Variants in ERC1 observed in about 807,000 individuals in gnomAD.
The protein encoded by ERC1 is ELKS/RAB6-interacting/CAST family member 1.
A neutral mutation model predicts 132.0 loss-of-function variants in ERC1; 56 were observed. That is an observed-to-expected ratio of 0.42 (90% CI 0.34 to 0.53). ERC1 has a LOEUF of 0.53. ERC1 is among the 20% of genes least tolerant of loss of function. The pLI, the probability that ERC1 is intolerant of heterozygous loss-of-function variation, is 0.03. For missense variants in ERC1, 1,202 were observed against 1,349.9 expected, an observed-to-expected ratio of 0.89 and a Z score of 1.72; for synonymous variants, 478 against 476.1, an observed-to-expected ratio of 1.00 and a Z score of -0.05.
chr12:1,048,672 C>A (rs546334549), intron 2 of ERC1, among the ~76,000 whole-genome samples: 1 of 152,090 alleles, frequency 6.6e-6, no homozygotes, highest in Non-Finnish European at 1.5e-5. Flanking sequence ...ATGCTTTTCC[C>A]TTAATGTTGT....
chr12:1,416,850 C>G (rs905458465), intron 17 of ERC1, among the ~76,000 whole-genome samples: 1 of 152,108 alleles, frequency 6.6e-6, no homozygotes, highest in Admixed American at 6.5e-5. Flanking sequence ...TTTTACATAT[C>G]AGTAGTTGCT....
intron 15 of ERC1, among the ~76,000 whole-genome samples, chr12:1,334,459 A>G (rs771981012): frequency 6.6e-6 from 1 of 152,236 alleles, no homozygotes; most frequent in Non-Finnish European, 1.5e-5. Context: ...ATGGCTAGCC[A>G]GTTACCACAG....
chr12:1,258,943 C>G (rs1025147770), intron 13 of ERC1, among the ~76,000 whole-genome samples: 10 of 152,144 alleles, frequency 6.6e-5, no homozygotes, highest in Admixed American at 5.2e-4. Context: ...TTTCTCTTTT[C>G]ACAGTAAACA....
At chr12:1,418,631 CTTTCTTTCTT>C (rs776462904) in intron 17 of ERC1, among the ~76,000 whole-genome samples, 4,268 of 114,068 alleles carry the variant, frequency 0.037, 272 homozygotes, top group African/African-American at 0.16. Flanking sequence ...TTCTTTCTTT[CTTTCTTTCTT>C]TCTCTCTCTC....
At chr12:1,419,890 A>G (rs930362680) in intron 17 of ERC1, among the ~76,000 whole-genome samples, 4 of 152,052 alleles carry the variant, frequency 2.6e-5, no homozygotes, top group African/African-American at 9.7e-5. Context: ...AGATACATTC[A>G]AAACATGCAC....
At chr12:1,139,688 A>T (rs1377888759) in intron 7 of ERC1, among the ~76,000 whole-genome samples, 1 of 150,536 alleles carries the variant, frequency 6.6e-6, no homozygotes, top group Non-Finnish European at 1.5e-5. Flanking sequence ...ATAAAGTAGT[A>T]AAGTAAAACA....
chr12:1,394,828 G>A (rs12317217), intron 16 of ERC1, among the ~76,000 whole-genome samples: 44,701 of 152,046 alleles, frequency 0.29, 6,793 homozygotes, highest in Middle Eastern at 0.35. Context: ...ACCCAGTCTC[G>A]GGTAGTTCTT....
intron 8 of ERC1, among the ~76,000 whole-genome samples, chr12:1,170,820 A>G (rs1487294345): frequency 1.3e-5 from 2 of 152,184 alleles, no homozygotes; most frequent in Non-Finnish European, 1.5e-5. Flanking sequence ...AATAAAATCT[A>G]CCTGGAGCAG....
At chr12:1,156,264 A>T (rs1458860225) in intron 8 of ERC1, among the ~76,000 whole-genome samples, 1 of 151,938 alleles carries the variant, frequency 6.6e-6, no homozygotes, top group Non-Finnish European at 1.5e-5. Context: ...TTTGAGACAG[A>T]GTCTCACTCT....
chr12:1,301,987 ATACT>A (rs1417997410), intron 15 of ERC1, among the ~76,000 whole-genome samples: 1 of 152,238 alleles, frequency 6.6e-6, no homozygotes, highest in Non-Finnish European at 1.5e-5. Context: ...TATTATAGAA[ATACT>A]TACCAAGTCA....
rs1302703650 is a variant in ERC1, at chr12:1,494,195, T to C, written c.*3965T>C. ...TTTAACATCTGCTCCTGGCCTCCTCTTCACCTGCCTGGGTTCGGAACTGAG... is the reference window on the plus strand; with the variant it reads ...TTTAACATCTGCTCCTGGCCTCCTCCTCACCTGCCTGGGTTCGGAACTGAG... On this transcript the variant is annotated 3_prime_UTR_variant, in exon 19 of 19. Coordinates refer to ENST00000360905, the MANE Select transcript of ERC1 (RefSeq NM_178040.4). 1.3e-5 allele frequency: 3 copies of C among 232,226 alleles called. No individual in the cohort carries two copies. The highest frequency in any genetic ancestry group is 2.6e-5 in the Non-Finnish European group (3 of 117,484). 14.4% of individuals were successfully genotyped at this position (232,226 alleles called of 1,614,324 possible).
chr12:1,056,941 C>G (rs1328282632), intron 2 of ERC1, among the ~76,000 whole-genome samples: 3 of 152,092 alleles, frequency 2.0e-5, no homozygotes, highest in Non-Finnish European at 4.4e-5. Flanking sequence ...TAATTTCTTT[C>G]TACCTCCTGT....
chr12:1,028,281 A>G lies in ERC1; in HGVS notation c.378A>G (p.Gly126=), dbSNP rs1485845179. The G allele has an allele frequency of 1.9e-6, 3 of 1,614,044 alleles. No individual in the cohort carries two copies. Among genetic ancestry groups the G allele is most frequent in the Admixed American group, 1.7e-5 (1 of 60,000 alleles). The change falls in exon 2 of 19, where the codon GGA becomes GGG. Residue 126 remains glycine, a synonymous_variant. Coordinates refer to ENST00000360905, the MANE Select transcript of ERC1 (RefSeq NM_178040.4). The part of the protein sequence containing the change: ...SGVASDTIAF[G]EHHLPPVSMA... The stretch of plus-strand genomic sequence containing the variant: ...TTGCTAGTGACACCATAGCATTTGG[A>G]GAGCATCACCTCCCTCCTGTGAGTA...
intron 13 of ERC1, among the ~76,000 whole-genome samples, chr12:1,240,741 A>G: frequency 6.6e-6 from 1 of 152,260 alleles, no homozygotes; most frequent in African/African-American, 2.4e-5. Context: ...AATTTTAATT[A>G]ACATACTAGA....
chr12:1,025,099 T>C (rs1966843263), intron 1 of ERC1, among the ~76,000 whole-genome samples: 1 of 152,184 alleles, frequency 6.6e-6, no homozygotes, highest in Non-Finnish European at 1.5e-5. Flanking sequence ...TCTGGATACG[T>C]TCTACTGGAG....
chr12:1,444,482 A>T (rs1355342929), intron 17 of ERC1, 80 bp from the exon 18 acceptor site: 1 of 976,888 alleles, frequency 1.0e-6, no homozygotes, highest in Non-Finnish European at 1.5e-6. Flanking sequence ...GGAAAGCATA[A>T]AGAATATTTG....
At chr12:1,155,481 C>CTT (rs1195450655) in intron 8 of ERC1, among the ~76,000 whole-genome samples, 3 of 146,682 alleles carry the variant, frequency 2.0e-5, no homozygotes, top group Admixed American at 6.8e-5. Context: ...TTAAACTTTC[C>CTT]TTTTTTTTTT....
At chr12:1,176,522 C>G (rs1406452930) in intron 8 of ERC1, among the ~76,000 whole-genome samples, 1 of 152,112 alleles carries the variant, frequency 6.6e-6, no homozygotes, top group African/African-American at 2.4e-5. Flanking sequence ...TGCATTATCC[C>G]CTAACAAGAG....
At chr12:1,104,590 T>C (rs1945043954) in intron 3 of ERC1, among the ~76,000 whole-genome samples, 160 bp from the exon 4 acceptor site, 1 of 152,158 alleles carries the variant, frequency 6.6e-6, no homozygotes. Context: ...GAATGCAGTC[T>C]GTGGATTCCC....
Sources: allele counts gnomAD v4.1 joint callset (sites outside exome capture counted in the v4.1 genomes callset), GRCh38; gene constraint gnomAD v4.1.1; transcripts MANE v1.5; gene names NCBI Gene and HGNC (gene_info 2026-07-23, HGNC 2026-07-21).